The following FLT3 variants were observed in gnomAD, a reference collection of about 807,000 sequenced individuals.
FLT3 encodes receptor-type tyrosine-protein kinase FLT3.
In FLT3, 46 loss-of-function variants were observed where a neutral mutation model predicts 126.6. The observed-to-expected ratio is 0.36, with a 90% CI of 0.29 to 0.46. The LOEUF is 0.46. Ranked by LOEUF, FLT3 falls within the 20% of genes least tolerant of loss-of-function variation. The pLI is 1.00. For synonymous variants in FLT3, 404 were observed against 434.4 expected (o/e 0.93, Z 0.87); for missense variants, 1,069 against 1,190.3 (o/e 0.90, Z 1.50).
At chr13:28,063,025 T>C (rs1001571133) in intron 2 of FLT3, among the ~76,000 whole-genome samples, 1 of 152,142 alleles carries the variant, frequency 6.6e-6, no homozygotes, top group African/African-American at 2.4e-5. Flanking sequence ...AAATCTATAA[T>C]ATATAGGTAA....
At chr13:28,008,275 CAAAAAAAAAAAAAA>C (rs11409962) in intron 23 of FLT3, among the ~76,000 whole-genome samples, 1 of 87,112 alleles carries the variant, frequency 1.1e-5, no homozygotes, top group Non-Finnish European at 2.1e-5. Context: ...GAACCTGTCT[CAAAAAAAAAAAAAA>C]AAAAAAAAGG....
intron 17 of FLT3, among the ~76,000 whole-genome samples, chr13:28,026,839 C>A (rs1268338058): frequency 6.6e-6 from 1 of 152,166 alleles, no homozygotes; most frequent in Admixed American, 6.5e-5. Context: ...ACCAAATAGG[C>A]GTCTATGGTG....
At chr13:28,076,342 T>C (rs1877927264) in intron 1 of FLT3, among the ~76,000 whole-genome samples, 1 of 152,162 alleles carries the variant, frequency 6.6e-6, no homozygotes, top group Non-Finnish European at 1.5e-5. Context: ...TTCATATATT[T>C]GTATATGAAA....
chr13:28,036,587 T>C (rs1347837146), intron 10 of FLT3, among the ~76,000 whole-genome samples: 2 of 152,250 alleles, frequency 1.3e-5, no homozygotes, highest in African/African-American at 4.8e-5. Context: ...TTCCTTAACA[T>C]GACCTTTCAA....
chr13:28,043,618 G>A (rs2137708174), intron 9 of FLT3, among the ~76,000 whole-genome samples: 1 of 152,304 alleles, frequency 6.6e-6, no homozygotes, highest in African/African-American at 2.4e-5. Context: ...TTGAATCTAG[G>A]TGGTAGGTAA....
In FLT3 at chr13:28,068,506, C is replaced by CA. The variant is rs961719755; in HGVS notation, c.165+1984dup. ...GCTAACATGGCAAAACCCGTCTCTA[C>CA]AAAAAAAAAATCTATGATATATATC... is the stretch of plus-strand genomic sequence containing the variant. On this transcript the variant is annotated intron_variant, in intron 2 of 23. Transcript: ENST00000241453. Among the ~76,000 whole-genome samples the CA allele has an allele frequency of 5.6e-4, 80 of 143,516 alleles. 1 individual carries two copies. The highest frequency in any genetic ancestry group is 2.2e-3 in the South Asian group (10 of 4,480). 94.2% of individuals were successfully genotyped at this position (143,516 alleles called of 152,430 possible).
At chr13:28,011,217 T>G (rs1225015478) in intron 23 of FLT3, among the ~76,000 whole-genome samples, 1 of 144,562 alleles carries the variant, frequency 6.9e-6, no homozygotes, top group African/African-American at 2.6e-5. Context: ...GGCTGAGGCA[T>G]AAGAATTGCT....
intron 1 of FLT3, among the ~76,000 whole-genome samples, chr13:28,072,584 A>G (rs1877614181): frequency 6.6e-6 from 1 of 152,100 alleles, no homozygotes; most frequent in Non-Finnish European, 1.5e-5. Context: ...TTTAGTAGAG[A>G]CAGCATTCAC....
chr13:28,077,436 C>T (rs959542731), intron 1 of FLT3, among the ~76,000 whole-genome samples: 4 of 152,044 alleles, frequency 2.6e-5, no homozygotes, highest in African/African-American at 4.8e-5. Context: ...CCTGATAAAC[C>T]CATCAGATCT....
intron 19 of FLT3, among the ~76,000 whole-genome samples, chr13:28,021,543 G>C (rs772079708): frequency 6.6e-6 from 1 of 152,122 alleles, no homozygotes; most frequent in Non-Finnish European, 1.5e-5. Flanking sequence ...CAGAGGTGTG[G>C]AAATATTACT....
chr13:28,044,030 C>T (rs1874631641), intron 9 of FLT3, among the ~76,000 whole-genome samples: 1 of 148,496 alleles, frequency 6.7e-6, no homozygotes, highest in Non-Finnish European at 1.5e-5. Flanking sequence ...GAATCACTTA[C>T]TCACCTCCAC....
At chr13:28,045,720 G>T (rs1260186806) in intron 9 of FLT3, among the ~76,000 whole-genome samples, 1 of 151,962 alleles carries the variant, frequency 6.6e-6, no homozygotes, top group Non-Finnish European at 1.5e-5. Context: ...AATTAGCTGG[G>T]CATGGTGGCA....
intron 18 of FLT3, among the ~76,000 whole-genome samples, chr13:28,023,985 T>C (rs1250551698): frequency 6.6e-6 from 1 of 151,896 alleles, no homozygotes; most frequent in Non-Finnish European, 1.5e-5. Context: ...ATGGTCTTGA[T>C]CTCCTGACCT....
At chr13:28,010,175 C>T (rs1871238234) in intron 23 of FLT3, among the ~76,000 whole-genome samples, 1 of 152,146 alleles carries the variant, frequency 6.6e-6, no homozygotes, top group African/African-American at 2.4e-5. Flanking sequence ...ATGCTAGCAG[C>T]GGGGTCTATA....
At chr13:28,020,262 G>A (rs1048904597) in intron 19 of FLT3, among the ~76,000 whole-genome samples, 1 of 152,138 alleles carries the variant, frequency 6.6e-6, no homozygotes, top group Non-Finnish European at 1.5e-5. Context: ...CAGGTCTGCT[G>A]TGCAGATCCC....
intron 21 of FLT3, 66 bp from the exon 22 acceptor site, chr13:28,015,322 A>G: frequency 9.3e-7 from 1 of 1,071,532 alleles, no homozygotes; most frequent in Admixed American, 1.9e-5. Flanking sequence ...GATTCATTCA[A>G]TTAAACACGT....
chr13:28,073,352 GAA>G (rs35318238), intron 1 of FLT3: 23,344 of 295,720 alleles, frequency 0.079, no homozygotes, highest in Middle Eastern at 0.13. Flanking sequence ...CTCATCTCTG[GAA>G]AAAAAAAAAA....
chr13:28,035,603 A>ACACC lies in FLT3; in HGVS notation c.1485_1488dup (p.Ser497GlyfsTer10), dbSNP rs1477905860. 1.2e-6 allele frequency: 2 copies of ACACC among 1,614,054 alleles called. No individual in the cohort carries two copies. The highest frequency in any genetic ancestry group is 1.3e-5 in the African/African-American group (1 of 74,902). On this transcript the variant is annotated frameshift_variant, in exon 12 of 24. Transcript: ENST00000241453. LOFTEE classifies it high-confidence loss of function. The stretch of plus-strand genomic sequence containing the variant: ...TCACTCATGTTTAGAGTACTGCTCG[A>ACACC]CACCCACTGTCCAAACACTTTTCTG...
At chr13:28,076,029 T>G (rs1053998037) in intron 1 of FLT3, among the ~76,000 whole-genome samples, 10 of 152,110 alleles carry the variant, frequency 6.6e-5, no homozygotes, top group Non-Finnish European at 4.4e-5. Context: ...ACTCCTGACT[T>G]CAAGTGATCT....
Sources: allele counts gnomAD v4.1 joint callset (sites outside exome capture counted in the v4.1 genomes callset), GRCh38; gene constraint gnomAD v4.1.1; transcripts MANE v1.5; gene names NCBI Gene and HGNC (gene_info 2026-07-23, HGNC 2026-07-21).